The following EDEM3 variants were observed in gnomAD, a reference collection of about 807,000 sequenced individuals.
EDEM3 encodes ER degradation-enhancing alpha-mannosidase-like protein 3.
A neutral mutation model predicts 110.2 loss-of-function variants in EDEM3; 60 were observed. That is an observed-to-expected ratio of 0.54 (90% confidence interval 0.44 to 0.67). EDEM3 has a LOEUF of 0.67. Among genes scored for constraint, EDEM3 ranks in the 30% least tolerant of loss-of-function variants. The pLI is 0.00. For synonymous variants in EDEM3, 352 were observed against 382.9 expected (o/e 0.92, Z 0.94); for missense variants, 996 against 1,121.0 (o/e 0.89, Z 1.59).
At chr1:184,718,228 A>T (rs9803728) in intron 11 of EDEM3, among the ~76,000 whole-genome samples, 3,881 of 152,174 alleles carry the variant, frequency 0.026, 169 homozygotes, top group African/African-American at 0.087. Flanking sequence ...TTGTGGAATA[A>T]GACAGAGCAT....
intron 1 of EDEM3, among the ~76,000 whole-genome samples, chr1:184,750,960 G>A (rs1455362542): frequency 6.6e-6 from 1 of 151,956 alleles, no homozygotes; most frequent in Non-Finnish European, 1.5e-5. Context: ...TGAAATACTG[G>A]TAATAATAGA....
chr1:184,694,115 T>G lies in EDEM3; in HGVS notation c.2747A>C (p.Asp916Ala), dbSNP rs747356370. The G allele has an allele frequency of 6.2e-7, 1 of 1,613,280 alleles. No homozygotes were observed. Among genetic ancestry groups the G allele is most frequent in the South Asian group, 1.1e-5 (1 of 91,026 alleles). The change falls in exon 20 of 20, where the codon GAC becomes GCC. Residue 916 changes from aspartate (D) to alanine (A), a missense_variant. By Grantham distance (126) the Asp-to-Ala change is moderately radical. Coordinates refer to ENST00000318130, the MANE Select transcript of EDEM3 (RefSeq NM_025191.4). Reference sequence around the variant, plus strand: ...AAATGCTTCTATATCTTCATTCCAGTCTGCTAATATGGAGTCTATAGGCTG... The same window carrying G: ...AAATGCTTCTATATCTTCATTCCAGGCTGCTAATATGGAGTCTATAGGCTG... Reference protein sequence around the residue: ...KVQPIDSILADWNEDIEAFEM... With the variant: ...KVQPIDSILAAWNEDIEAFEM...
chr1:184,712,747 G>T, intron 13 of EDEM3, 149 bp from the exon 14 acceptor site: 1 of 531,884 alleles, frequency 1.9e-6, no homozygotes, highest in Non-Finnish European at 3.1e-6. Flanking sequence ...ACCAGGGGCA[G>T]AATAACCTTG....
rs1650628214 is a variant in EDEM3 at position 184,717,642 on chromosome 1, A to G, written c.1162-19T>C. On this transcript the variant is annotated intron_variant, in intron 11 of 19. Transcript: ENST00000318130. ...TAAATGCCTGAACAAAACAACATACAAAAGGCATAAAAAATGTGATTAAAT... is the reference window on the plus strand; with the variant it reads ...TAAATGCCTGAACAAAACAACATACGAAAGGCATAAAAAATGTGATTAAAT... 6.4e-7 allele frequency: 1 copy of G among 1,569,588 alleles called. No homozygotes were observed. The highest frequency in any genetic ancestry group is 1.4e-5 in the African/African-American group (1 of 72,554).
rs757588994 is a variant in EDEM3 at position 184,694,116 on chromosome 1, C to G, written c.2746G>C (p.Asp916His). 7.4e-6 allele frequency: 12 copies of G among 1,613,276 alleles called. No individual in the cohort carries two copies. Among genetic ancestry groups the G allele is most frequent in the Non-Finnish European group, 9.3e-6 (11 of 1,179,552 alleles). Residue 916 changes from aspartate (D) to histidine (H), a missense_variant, in exon 20 of 20, where the codon GAC (aspartate) becomes CAC (histidine). Asp to His is a moderately conservative substitution (Grantham distance 81). Transcript: ENST00000318130. ...AATGCTTCTATATCTTCATTCCAGT[C>G]TGCTAATATGGAGTCTATAGGCTGG... ...KVQPIDSILADWNEDIEAFEM... is the reference protein window; with the variant it reads ...KVQPIDSILAHWNEDIEAFEM...
intron 5 of EDEM3, 73 bp from the exon 6 acceptor site, chr1:184,733,063 T>C (rs551504550): frequency 1.4e-6 from 2 of 1,441,572 alleles, no homozygotes; most frequent in African/African-American, 2.8e-5. Context: ...AAGGTGTGGG[T>C]ACTTTGTTAT....
intron 7 of EDEM3, among the ~76,000 whole-genome samples, chr1:184,725,403 C>T (rs1651134099): frequency 6.6e-6 from 1 of 152,026 alleles, no homozygotes; most frequent in Admixed American, 6.6e-5. Context: ...AGTGTCCACA[C>T]TTTTTAATGA....
rs1006575547 is a variant in EDEM3 at position 184,691,628 on chromosome 1, A to G, written c.*2435T>C. ...AACTAAAAAACAAAACACTAAAAAA[A>G]AAAAAAACAACTAATGCCTTTGGAA... On this transcript the variant is annotated 3_prime_UTR_variant, in exon 20 of 20. Transcript: ENST00000318130. The G allele has an allele frequency of 6.6e-6, 1 of 152,452 alleles. No homozygotes were observed. Among genetic ancestry groups the G allele is most frequent in the Non-Finnish European group, 1.5e-5 (1 of 67,974 alleles). The allele number at this position is 152,452 out of a possible 1,614,324, so 9.4% of individuals were successfully genotyped here. A position where few individuals can be genotyped will look rare whatever the true frequency, so the allele number is the denominator to read the frequency against.
Position 184,754,572 on chromosome 1 carries a change from C to A in EDEM3, c.75G>T (p.Thr25=). The change falls in exon 1 of 20, where the codon ACG becomes ACT. Residue 25 remains threonine, a synonymous_variant. Coordinates refer to ENST00000318130, the MANE Select transcript of EDEM3 (RefSeq NM_025191.4). The stretch of plus-strand genomic sequence containing the variant: ...TGGCCGACACCAGGCAGAACGCGGC[C>A]GTCGCCGCCACTAGTCTCCATCGCG... ...QRARWRLVAA[T]AAFCLVSATS... The A allele has an allele frequency of 1.2e-6, 2 of 1,609,892 alleles. No individual in the cohort carries two copies. Among genetic ancestry groups the A allele is most frequent in the Non-Finnish European group, 1.7e-6 (2 of 1,178,808 alleles).
intron 6 of EDEM3, 79 bp from the exon 7 acceptor site, chr1:184,726,468 C>A: frequency 3.5e-6 from 5 of 1,441,292 alleles, no homozygotes; most frequent in Middle Eastern, 1.9e-4. Context: ...TCAATCAAGT[C>A]TTTGTATAAA....
At chr1:184,747,906 A>T (rs1223025136) in intron 2 of EDEM3, among the ~76,000 whole-genome samples, 1 of 152,230 alleles carries the variant, frequency 6.6e-6, no homozygotes, top group Non-Finnish European at 1.5e-5. Flanking sequence ...TTATAAAGAG[A>T]TGATCCTATT....
chr1:184,745,004 T>C (rs1652351511), intron 2 of EDEM3, among the ~76,000 whole-genome samples: 1 of 152,056 alleles, frequency 6.6e-6, no homozygotes. Flanking sequence ...TAACTATGAG[T>C]TAAATTTTTG....
intron 1 of EDEM3, 134 bp from the exon 2 acceptor site, chr1:184,749,726 G>A: frequency 2.9e-6 from 2 of 697,546 alleles, no homozygotes. Context: ...TAGGTAGAAA[G>A]GGACATAAAC....
At chr1:184,716,867 G>C (rs1265341617) in intron 13 of EDEM3, 21 bp downstream of exon 13, 1 of 1,611,686 alleles carries the variant, frequency 6.2e-7, no homozygotes, top group African/African-American at 1.3e-5. Context: ...TGAGGAAAGA[G>C]GATGTTAGCA....
rs370314492 is a variant in EDEM3, at chr1:184,734,647, G to T, written c.346-4C>A. ...ATTCTTTAGTTTTATTTAAAACCTGGGAGAAGAAAATTATGAAATAAAGTT... is the reference window on the plus strand; with the variant it reads ...ATTCTTTAGTTTTATTTAAAACCTGTGAGAAGAAAATTATGAAATAAAGTT... On this transcript the variant is annotated splice_region_variant and splice_polypyrimidine_tract_variant and intron_variant, in intron 4 of 19. Transcript: ENST00000318130. The T allele has an allele frequency of 8.6e-5, 108 of 1,249,828 alleles. No individual in the cohort carries two copies. The Middle Eastern group carries it at 1.6e-3, about 18-fold the overall frequency. 77.4% of individuals were successfully genotyped at this position (1,249,828 alleles called of 1,614,324 possible).
At chr1:184,723,728 T>C (rs1651027104) in intron 8 of EDEM3, 23 bp downstream of exon 8, 3 of 1,545,580 alleles carry the variant, frequency 1.9e-6, no homozygotes, top group Non-Finnish European at 2.6e-6. Context: ...AAAGGCTTGA[T>C]TTAAAAAGCC....
rs778081951 is a variant in EDEM3, at chr1:184,754,628, G to C, written c.19C>G (p.Arg7Gly). Reference sequence around the variant, plus strand: ...TGGGGAACCGGGGACCCACAGCCCCGGCCGCCGGCTTCGCTCATGGCCCCG... The same window carrying C: ...TGGGGAACCGGGGACCCACAGCCCCCGCCGCCGGCTTCGCTCATGGCCCCG... MSEAGG[R>G]GCGSPVPQRA... Residue 7 changes from arginine (R) to glycine (G), a missense_variant, in exon 1 of 20, where the codon CGG becomes GGG. Around this residue, in one of 5 missense-constraint regions of EDEM3, gnomAD observed 200 missense variants for 183.8 expected, o/e 1.09. Coordinates refer to ENST00000318130, the MANE Select transcript of EDEM3 (RefSeq NM_025191.4). 1 of 1,590,790 alleles carries C rather than the reference G, an allele frequency of 6.3e-7. No individual in the cohort carries two copies. The highest frequency in any genetic ancestry group is 1.3e-5 in the African/African-American group (1 of 74,260).
Position 184,715,009 on chromosome 1 carries a change from G to C in EDEM3, c.1370+1879C>G, listed in dbSNP as rs942061460. Among the ~76,000 whole-genome samples the C allele has an allele frequency of 2.6e-5, 4 of 152,236 alleles. No homozygotes were observed. The South Asian group carries it at 8.3e-4, about 32-fold the overall frequency. ...CTTTCATTTGGCTAAAGACATCTGA[G>C]AGGCACAACAATCCCCTCAGGAACA... On this transcript the variant is annotated intron_variant, in intron 13 of 19. Coordinates refer to ENST00000318130, the MANE Select transcript of EDEM3 (RefSeq NM_025191.4).
At chr1:184,749,433 A>AAGG in intron 2 of EDEM3, 114 bp downstream of exon 2, 2 of 863,318 alleles carry the variant, frequency 2.3e-6, no homozygotes, top group Non-Finnish European at 3.5e-6. Context: ...TGTTTTTTAA[A>AAGG]AACTTCCTTT....
Sources: gnomAD v4.1 joint callset for allele counts (sites outside exome capture counted in the v4.1 genomes callset) on GRCh38, gnomAD v4.1.1 for gene constraint, gnomAD v4.1.1 regional missense constraint, MANE v1.5 for transcripts, NCBI Gene and HGNC (gene_info 2026-07-23, HGNC 2026-07-21) for gene names.